The following UPF3A variants were observed in gnomAD, a reference collection of about 807,000 sequenced individuals.
UPF3A encodes the protein regulator of nonsense transcripts 3A.
A neutral mutation model predicts 53.5 loss-of-function variants in UPF3A; 42 were observed. The observed-to-expected ratio is 0.78, with a 90% CI of 0.61 to 1.01. The LOEUF is 1.01. UPF3A is among the 50% of genes least tolerant of loss of function. The pLI, the probability that UPF3A is intolerant of heterozygous loss-of-function variation, is 0.00. For missense variants in UPF3A, 575 were observed against 598.0 expected, an observed-to-expected ratio of 0.96 and a Z score of 0.40; for synonymous variants, 237 against 225.3, an observed-to-expected ratio of 1.05 and a Z score of -0.47.
chr13:114,281,698 C>T lies in UPF3A; in HGVS notation c.59C>T (p.Pro20Leu), dbSNP rs952908452. 7.6e-5 allele frequency: 117 copies of T among 1,543,316 alleles called. No individual in the cohort carries two copies. Among genetic ancestry groups the T allele is most frequent in the Non-Finnish European group, 1.0e-4 (114 of 1,144,542 alleles). Reference sequence around the variant, plus strand: ...CGGGCGGCCGTTGCCGCGCGGGGCCCGAGCGGGAGGGAGAAGCTGTCGGCC... The same window carrying T: ...CGGGCGGCCGTTGCCGCGCGGGGCCTGAGCGGGAGGGAGAAGCTGTCGGCC... The part of the protein sequence containing the change: ...GLRAAVAARG[P>L]SGREKLSALE... Residue 20 changes from proline (P) to leucine (L), a missense_variant, in exon 1 of 10, where the codon CCG becomes CTG. Pro to Leu is a moderately conservative substitution (Grantham distance 98). Coordinates refer to ENST00000375299, the MANE Select transcript of UPF3A (RefSeq NM_023011.4).
intron 7 of UPF3A, 88 bp from the exon 8 acceptor site, chr13:114,298,752 A>G (rs1482163500): frequency 1.7e-5 from 22 of 1,276,786 alleles, no homozygotes; most frequent in Non-Finnish European, 2.2e-5. Flanking sequence ...TGGCTTCAAT[A>G]TTGGGGTATA....
rs1345385134 is a variant in UPF3A, at chr13:114,286,216, C to T, written c.422-86C>T. The stretch of plus-strand genomic sequence containing the variant: ...TAATGCATTGTCGTTGTTACACTTA[C>T]TCTTTAAGTAAGTTAGGTCATTATT... On this transcript the variant is annotated intron_variant, in intron 3 of 9. Coordinates refer to ENST00000375299, the MANE Select transcript of UPF3A (RefSeq NM_023011.4). The T allele has an allele frequency of 3.9e-6, 6 of 1,543,590 alleles. No homozygotes were observed. The South Asian group carries it at 5.9e-5, about 15-fold the overall frequency.
Position 114,286,647 on chromosome 13 carries a change from C to T in UPF3A, c.631+18C>T. 1.3e-6 allele frequency: 2 copies of T among 1,572,864 alleles called. No individual in the cohort carries two copies. Among genetic ancestry groups the T allele is most frequent in the South Asian group, 1.2e-5 (1 of 86,180 alleles). ...GCTCATTGGTCTGTTTTGCTCATTT[C>T]TTCTCTTTTCTTTATTGAGAGATTT... On this transcript the variant is annotated intron_variant, in intron 5 of 9. Transcript: ENST00000375299.
chr13:114,283,962 T>A, intron 3 of UPF3A: 1 of 985,444 alleles, frequency 1.0e-6, no homozygotes, highest in Non-Finnish European at 1.2e-6. Flanking sequence ...AAAATAAGCA[T>A]TAGCCAAGCT....
At chr13:114,286,254 TGTA>T in intron 3 of UPF3A, 45 bp from the exon 4 acceptor site, 1 of 1,605,224 alleles carries the variant, frequency 6.2e-7, no homozygotes, top group African/African-American at 1.3e-5. Flanking sequence ...CCGAAATGAA[TGTA>T]GTAGAATTTC....
intron 7 of UPF3A, among the ~76,000 whole-genome samples, chr13:114,294,693 C>CGG (rs1211063861): frequency 5.3e-5 from 8 of 151,676 alleles, no homozygotes; most frequent in Non-Finnish European, 1.0e-4. Flanking sequence ...GGCGTGGTGG[C>CGG]ACACGCCTGT....
chr13:114,282,322 G>C (rs1390049802), intron 2 of UPF3A, 195 bp downstream of exon 2: 7 of 883,020 alleles, frequency 7.9e-6, no homozygotes, highest in Non-Finnish European at 1.1e-5. Flanking sequence ...CACAGATGTG[G>C]TTTACATGAA....
intron 5 of UPF3A, among the ~76,000 whole-genome samples, chr13:114,289,647 A>G (rs1349344431): frequency 6.6e-6 from 1 of 152,156 alleles, no homozygotes; most frequent in Non-Finnish European, 1.5e-5. Flanking sequence ...GGAAATACTA[A>G]TAAGCTGTTT....
chr13:114,296,138 T>A (rs2085972251), intron 7 of UPF3A, among the ~76,000 whole-genome samples: 1 of 152,110 alleles, frequency 6.6e-6, no homozygotes. Context: ...TAATCCCAGC[T>A]CTTTGGGGGG....
At position 114,281,813 on chromosome 13, in the gene UPF3A, A is replaced by G. The variant is rs748302692; in HGVS notation, c.174A>G (p.Lys58=). The change falls in exon 1 of 10, where the codon AAA becomes AAG. Residue 58 remains lysine, a synonymous_variant. Transcript: ENST00000375299. ...SSSGCGGGAG[K]PREEKRTALS... is the part of the protein sequence containing the mutation. The stretch of plus-strand genomic sequence containing the variant: ...CCGGTTGCGGGGGCGGTGCGGGCAA[A>G]CCTCGCGAGGAGAAGAGGACGGCCC... 3.9e-6 allele frequency: 6 copies of G among 1,539,344 alleles called. No homozygotes were observed. In the Middle Eastern group the frequency reaches 5.3e-4, roughly 136 times the overall value.
chr13:114,288,837 G>C lies in UPF3A; in HGVS notation c.631+2208G>C, dbSNP rs11843229. Among the ~76,000 whole-genome samples the C allele has an allele frequency of 8.7e-3, 1,319 of 152,238 alleles. 16 individuals carry two copies. Among genetic ancestry groups the C allele is most frequent in the African/African-American group, 0.03 (1,227 of 41,526 alleles). Reference sequence around the variant, plus strand: ...GGAACATGAGGGTAGGACAGTATTGGGGGCAAAGTCGAGATTTCACTTAAG... The same window carrying C: ...GGAACATGAGGGTAGGACAGTATTGCGGGCAAAGTCGAGATTTCACTTAAG... On this transcript the variant is annotated intron_variant, in intron 5 of 9. Coordinates refer to ENST00000375299, the MANE Select transcript of UPF3A (RefSeq NM_023011.4).
At chr13:114,295,331 A>AGCTCATCTCCAGCG (rs1566756590) in intron 7 of UPF3A, among the ~76,000 whole-genome samples, 1 of 43,930 alleles carries the variant, frequency 2.3e-5, no homozygotes, top group Admixed American at 2.2e-4. Flanking sequence ...CGTCTCCAGC[A>AGCTCATCTCCAGCG]GCTCTGGCCT....
At chr13:114,291,903 T>C in intron 7 of UPF3A, 111 bp downstream of exon 7, 1 of 1,311,310 alleles carries the variant, frequency 7.6e-7, no homozygotes, top group Middle Eastern at 2.5e-4. Context: ...ATTAATCTAA[T>C]ATTGTGTTGT....
At chr13:114,300,378 A>T (rs1049774551) in intron 8 of UPF3A, among the ~76,000 whole-genome samples, 1 of 151,848 alleles carries the variant, frequency 6.6e-6, no homozygotes, top group East Asian at 1.9e-4. Context: ...ATTTTATTTT[A>T]ATTTTATTTT....
Position 114,281,712 on chromosome 13 carries a change from A to G in UPF3A, c.73A>G (p.Lys25Glu). 1 of 1,548,364 alleles carries G rather than the reference A, an allele frequency of 6.5e-7. No individual in the cohort carries two copies. Among genetic ancestry groups the G allele is most frequent in the Admixed American group, 1.9e-5 (1 of 51,634 alleles). The change falls in exon 1 of 10, where the codon AAG (lysine) becomes GAG (glutamate). Residue 25 changes from lysine (K) to glutamate (E), a missense_variant. Physicochemically the swap from Lys to Glu is moderately conservative, Grantham distance 56. This residue lies in a region of UPF3A where 252 missense variants were observed against 182.7 expected (regional missense o/e 1.38). Coordinates refer to ENST00000375299, the MANE Select transcript of UPF3A (RefSeq NM_023011.4). ...VAARGPSGRE[K>E]LSALEVQFHR... is the part of the protein sequence containing the mutation. ...CGCGCGGGGCCCGAGCGGGAGGGAG[A>G]AGCTGTCGGCCCTAGAAGTGCAGTT...
chr13:114,295,572 G>T (rs939865862), intron 7 of UPF3A, among the ~76,000 whole-genome samples: 1 of 152,228 alleles, frequency 6.6e-6, no homozygotes, highest in African/African-American at 2.4e-5. Context: ...TCTGCAGAGA[G>T]CCCTCCTGGG....
Position 114,282,930 on chromosome 13 carries a change from C to T in UPF3A, c.408C>T (p.Phe136=), listed in dbSNP as rs1444448399. ...GAGATCGTTTTGATGGATATATCTTCCTTGACAGCAAAGGTTGGATTATTG... is the reference window on the plus strand; with the variant it reads ...GAGATCGTTTTGATGGATATATCTTTCTTGACAGCAAAGGTTGGATTATTG... ...LFRDRFDGYI[F]LDSKGLEYPA... Residue 136 remains phenylalanine (F), a synonymous_variant, in exon 3 of 10, where the codon TTC becomes TTT. Coordinates refer to ENST00000375299, the MANE Select transcript of UPF3A (RefSeq NM_023011.4). The T allele has an allele frequency of 3.1e-6, 5 of 1,606,216 alleles. No individual in the cohort carries two copies. The highest frequency in any genetic ancestry group is 2.2e-5 in the East Asian group (1 of 44,808).
At chr13:114,301,520 T>G (rs2086604315) in intron 8 of UPF3A, among the ~76,000 whole-genome samples, 1 of 151,894 alleles carries the variant, frequency 6.6e-6, no homozygotes, top group South Asian at 2.1e-4. Context: ...GTCACTCAAC[T>G]GAAATGACAG....
At chr13:114,304,127 C>T (rs1319169890) in intron 9 of UPF3A, among the ~76,000 whole-genome samples, 4 of 152,190 alleles carry the variant, frequency 2.6e-5, no homozygotes, top group Admixed American at 6.5e-5. Context: ...AGGAGGCTCA[C>T]GGAAGCTGGA....
Sources: allele counts gnomAD v4.1 joint callset (sites outside exome capture counted in the v4.1 genomes callset), GRCh38; gene constraint gnomAD v4.1.1; regional missense constraint gnomAD v4.1.1; transcripts MANE v1.5; gene names NCBI Gene and HGNC (gene_info 2026-07-23, HGNC 2026-07-21).